CAB39L: variants seen among roughly 807,000 people sequenced by gnomAD.
CAB39L encodes the protein calcium binding protein 39 like.
A neutral mutation model predicts 39.1 loss-of-function variants in CAB39L; 23 were observed. The observed-to-expected ratio is 0.59, with a 90% confidence interval of 0.42 to 0.83. CAB39L has a LOEUF of 0.83. Ranked by LOEUF, CAB39L falls within the 40% of genes least tolerant of loss-of-function variation. CAB39L has a pLI of 0.00. For missense variants in CAB39L, 366 were observed against 391.9 expected (o/e 0.93, Z 0.56); for synonymous variants, 126 against 137.2 (o/e 0.92, Z 0.57).
At chr13:49,390,582 G>T (rs1232111267) in intron 3 of CAB39L, among the ~76,000 whole-genome samples, 1 of 151,986 alleles carries the variant, frequency 6.6e-6, no homozygotes, top group Admixed American at 6.6e-5. Context: ...ACCCTGGGGG[G>T]GATGGTAAAA....
intron 3 of CAB39L, among the ~76,000 whole-genome samples, chr13:49,392,365 G>A (rs1332732724): frequency 7.1e-6 from 1 of 140,864 alleles, no homozygotes; most frequent in Non-Finnish European, 1.5e-5. Context: ...AGAGGAACAG[G>A]CGGTGGTTCA....
intron 3 of CAB39L, among the ~76,000 whole-genome samples, chr13:49,398,082 T>C (rs1348663561): frequency 3.3e-5 from 5 of 152,080 alleles, no homozygotes; most frequent in Admixed American, 6.5e-5. Flanking sequence ...AGAATAGAGA[T>C]GAAAGTGATT....
intron 1 of CAB39L, among the ~76,000 whole-genome samples, chr13:49,442,807 A>AACAAC (rs1314334083): frequency 7.1e-6 from 1 of 141,424 alleles, no homozygotes; most frequent in African/African-American, 2.7e-5. Context: ...AAAAAAAAAA[A>AACAAC]AAAAAAAAAA....
At chr13:49,441,850 AAACTACTGG>A (rs1467582705) in intron 1 of CAB39L, among the ~76,000 whole-genome samples, 4 of 152,298 alleles carry the variant, frequency 2.6e-5, no homozygotes, top group Non-Finnish European at 5.9e-5. Flanking sequence ...CAAGGATGAA[AAACTACTGG>A]AACTCTCTTA....
chr13:49,366,627 A>G (rs1368338748), intron 5 of CAB39L, among the ~76,000 whole-genome samples: 3 of 41,870 alleles, frequency 7.2e-5, no homozygotes, highest in Non-Finnish European at 1.8e-4. Flanking sequence ...AACTCTGTCT[A>G]AAAAAAAAAA....
chr13:49,378,277 C>G lies in CAB39L; in HGVS notation c.112-1146G>C, dbSNP rs1172385466. Reference sequence around the variant, plus strand: ...GGAGGGAGGTGGGGGGGGGTCAACCCCCCGCCCGGCCAGCCGCCCCATCTG... The same window carrying G: ...GGAGGGAGGTGGGGGGGGGTCAACCGCCCGCCCGGCCAGCCGCCCCATCTG... On this transcript the variant is annotated intron_variant, in intron 4 of 10. Coordinates refer to ENST00000409308, the MANE Select transcript of CAB39L (RefSeq NM_001079670.3). Among the ~76,000 whole-genome samples the G allele has an allele frequency of 4.5e-5, 4 of 88,556 alleles. 2 individuals are homozygous for G. Among genetic ancestry groups the G allele is most frequent in the Non-Finnish European group, 9.2e-5 (4 of 43,516 alleles). The allele number at this position is 88,556 out of a possible 152,430, so 58.1% of individuals were successfully genotyped here.
chr13:49,408,024 C>T (rs982514246), intron 3 of CAB39L, among the ~76,000 whole-genome samples: 11 of 151,996 alleles, frequency 7.2e-5, no homozygotes, highest in Non-Finnish European at 5.9e-5. Flanking sequence ...ACAAAACAGG[C>T]CATGATCAGA....
At chr13:49,331,053 T>C (rs1410368165) in intron 10 of CAB39L, among the ~76,000 whole-genome samples, 1 of 152,188 alleles carries the variant, frequency 6.6e-6, no homozygotes, top group African/African-American at 2.4e-5. Flanking sequence ...AATACAGCTG[T>C]AGAAAAAACT....
At chr13:49,371,333 G>A (rs1229053121) in intron 5 of CAB39L, among the ~76,000 whole-genome samples, 1 of 151,980 alleles carries the variant, frequency 6.6e-6, no homozygotes, top group Non-Finnish European at 1.5e-5. Context: ...GATTACAGGT[G>A]CATGCCACCA....
At chr13:49,367,903 C>T (rs971358159) in intron 5 of CAB39L, among the ~76,000 whole-genome samples, 2 of 150,434 alleles carry the variant, frequency 1.3e-5, no homozygotes, top group Admixed American at 1.3e-4. Context: ...TGCACTCTAG[C>T]CTGGGTGACA....
chr13:49,325,730 G>A (rs1214368757), intron 10 of CAB39L, among the ~76,000 whole-genome samples: 3 of 151,966 alleles, frequency 2.0e-5, no homozygotes, highest in Non-Finnish European at 4.4e-5. Flanking sequence ...TGGAGGGTGC[G>A]GTGAGCCGAG....
At chr13:49,425,820 G>A (rs144064465) in intron 3 of CAB39L, among the ~76,000 whole-genome samples, 5 of 152,270 alleles carry the variant, frequency 3.3e-5, no homozygotes, top group Admixed American at 6.5e-5. Context: ...TATTTCCATC[G>A]GGAAATGATT....
chr13:49,336,263 C>A (rs1954844865), intron 9 of CAB39L, among the ~76,000 whole-genome samples: 1 of 151,814 alleles, frequency 6.6e-6, no homozygotes. Context: ...TTCCTATAAT[C>A]TAACATTAAA....
At chr13:49,437,399 C>A (rs564992704) in intron 1 of CAB39L, among the ~76,000 whole-genome samples, 2 of 152,226 alleles carry the variant, frequency 1.3e-5, no homozygotes, top group South Asian at 2.1e-4. Flanking sequence ...GATGGTGACC[C>A]TTCCAAGGCA....
At position 49,345,134 on chromosome 13, in the gene CAB39L, T is replaced by A. The variant is rs1304531294; in HGVS notation, c.565-896A>T. Reference sequence around the variant, plus strand: ...TGCCCTGTCTAGGTGCTATGAAAAATTTAATTAAAAACATAACAAGAATTT... The same window carrying A: ...TGCCCTGTCTAGGTGCTATGAAAAAATTAATTAAAAACATAACAAGAATTT... On this transcript the variant is annotated intron_variant, in intron 7 of 10. Coordinates refer to ENST00000409308, the MANE Select transcript of CAB39L (RefSeq NM_001079670.3). 2.0e-5 allele frequency among the ~76,000 whole-genome samples: 3 copies of A among 152,120 alleles called. No individual in the cohort carries two copies. The South Asian group carries it at 6.2e-4, about 31-fold the overall frequency.
At chr13:49,392,374 C>T (rs1594045929) in intron 3 of CAB39L, among the ~76,000 whole-genome samples, 1 of 140,848 alleles carries the variant, frequency 7.1e-6, no homozygotes, top group South Asian at 2.4e-4. Context: ...GGCGGTGGTT[C>T]ACGCCTGTAA....
At chr13:49,330,603 C>T (rs1462067094) in intron 10 of CAB39L, among the ~76,000 whole-genome samples, 2 of 152,044 alleles carry the variant, frequency 1.3e-5, no homozygotes, top group East Asian at 3.9e-4. Context: ...CTAGCCTGGG[C>T]AACAGAGCGA....
intron 5 of CAB39L, among the ~76,000 whole-genome samples, chr13:49,368,334 A>G (rs769089702): frequency 1.3e-5 from 2 of 152,234 alleles, no homozygotes; most frequent in Non-Finnish European, 2.9e-5. Flanking sequence ...TTCCCAAAAC[A>G]GAGGAAAGGA....
At chr13:49,351,138 A>T in intron 6 of CAB39L, 13 of 239,144 alleles carry the variant, frequency 5.4e-5, no homozygotes, top group Non-Finnish European at 8.8e-5. Context: ...AAATATGAAC[A>T]TGGTGACAGC....
Sources: allele counts gnomAD v4.1 joint callset (sites outside exome capture counted in the v4.1 genomes callset), GRCh38; gene constraint gnomAD v4.1.1; transcripts MANE v1.5; gene names NCBI Gene and HGNC (gene_info 2026-07-23, HGNC 2026-07-21).